Variants in C14orf93 observed in about 807,000 individuals in gnomAD.
C14orf93 encodes uncharacterized protein C14orf93.
Under a neutral mutation model 44.0 loss-of-function variants are expected in C14orf93, and 23 were observed. That is an observed-to-expected ratio of 0.52 (90% CI 0.38 to 0.74). The LOEUF (loss-of-function observed/expected upper bound fraction) is 0.74, where lower values mean the gene tolerates loss of function less well. C14orf93 is among the 30% of genes least tolerant of loss of function. C14orf93 has a pLI of 0.00. For missense variants in C14orf93, 579 were observed against 678.9 expected (o/e 0.85, Z 1.64); for synonymous variants, 253 against 265.7 (o/e 0.95, Z 0.46).
rs1440441742 is a variant in C14orf93 at position 22,996,639 on chromosome 14, G to A, written c.598-371C>T. On this transcript the variant is annotated intron_variant, in intron 2 of 6. Transcript: ENST00000299088. The surrounding 1 kb of genome is among the most constrained non-coding windows in gnomAD (Gnocchi z 4.1). ...ACAAGAAAGAAACCAAGCAAGAGAA[G>A]GAGTAAGAAAATAAAACAGTAACAG... Among the ~76,000 whole-genome samples the A allele has an allele frequency of 6.6e-6, 1 of 152,184 alleles. No homozygotes were observed. Among genetic ancestry groups the A allele is most frequent in the Non-Finnish European group, 1.5e-5 (1 of 68,028 alleles).
At chr14:23,003,887 TATATATA>T (rs1566697078) in intron 1 of C14orf93, among the ~76,000 whole-genome samples, 46 of 17,480 alleles carry the variant, frequency 2.6e-3, no homozygotes, top group Middle Eastern at 0.016. Context: ...TATATATATA[TATATATA>T]TATATTTTTT....
intron 1 of C14orf93, among the ~76,000 whole-genome samples, chr14:23,003,709 G>C (rs2046421235): frequency 3.3e-5 from 5 of 151,062 alleles, no homozygotes; most frequent in Admixed American, 3.3e-4. Context: ...GCTGAGACAG[G>C]AGGATGGCTT....
chr14:22,991,299 G>A lies in C14orf93; in HGVS notation c.919-1172C>T, dbSNP rs79462166. On this transcript the variant is annotated intron_variant, in intron 3 of 6. Transcript: ENST00000299088. ...CCCAGTACTTTGGGAGGCCAAGGCA[G>A]GTGGTGCCATCTCAGCTCACTGCAT... is the stretch of plus-strand genomic sequence containing the variant. Among the ~76,000 whole-genome samples, 1,096 of 149,548 alleles carry A rather than the reference G, an allele frequency of 7.3e-3. 47 individuals carry two copies. The highest frequency in any genetic ancestry group is 0.037 in the East Asian group (170 of 4,646).
rs1310891998 is a variant in C14orf93, at chr14:23,003,881, TATATATATATATATATA to T, written c.-379-4496_-379-4480del. ...TCATATATATATATATATATATATA[TATATATATATATATATA>T]TTTTTTTTTTTTTTTTTTTTTTTTT... On this transcript the variant is annotated intron_variant, in intron 1 of 6. Coordinates refer to ENST00000299088, the MANE Select transcript of C14orf93 (RefSeq NM_021944.4). Among the ~76,000 whole-genome samples the T allele has an allele frequency of 5.6e-3, 92 of 16,470 alleles. 1 individual carries two copies. Among genetic ancestry groups the T allele is most frequent in the African/African-American group, 0.016 (56 of 3,436 alleles). The allele number at this position is 16,470 out of a possible 152,430, so 10.8% of individuals were successfully genotyped here.
In C14orf93 at chr14:22,987,910, C is replaced by T. The variant is rs763309358; in HGVS notation, c.1190G>A (p.Arg397Gln). ...EKEEKKLRSR[R>Q]YRLFANRSSI... The stretch of plus-strand genomic sequence containing the variant: ...AAAGGCCTAGAAACCTACCCGATAT[C>T]GGCGACTTCGAAGTTTCTTCTCCTC... The change falls in exon 6 of 7, where the codon CGA becomes CAA. Residue 397 changes from arginine to glutamine, a missense_variant. Coordinates refer to ENST00000299088, the MANE Select transcript of C14orf93 (RefSeq NM_021944.4). This position sits in a 1 kb window ranked among gnomAD's most constrained non-coding sequence, Gnocchi z 5.6. 5 of 1,612,246 alleles carry T rather than the reference C, an allele frequency of 3.1e-6. No homozygotes were observed. The East Asian group carries it at 6.7e-5, about 22-fold the overall frequency.
At chr14:23,003,857 C>CATAAATATATATAT (rs2046434864) in intron 1 of C14orf93, among the ~76,000 whole-genome samples, 1 of 19,014 alleles carries the variant, frequency 5.3e-5, no homozygotes, top group Non-Finnish European at 9.1e-5. Flanking sequence ...CTAATATATT[C>CATAAATATATATAT]ATATATATAT....
intron 5 of C14orf93, 131 bp downstream of exon 5, chr14:22,989,611 A>T: frequency 1.5e-6 from 1 of 666,258 alleles, no homozygotes; most frequent in South Asian, 1.9e-5. Flanking sequence ...ATAGCCAAAA[A>T]ATGTTTCAAA....
At chr14:23,000,610 G>C (rs11621779) in intron 1 of C14orf93, among the ~76,000 whole-genome samples, 31,879 of 151,262 alleles carry the variant, frequency 0.21, 3,477 homozygotes, top group Non-Finnish European at 0.23. Context: ...CAGCTACTCG[G>C]GAGGTTGAGG....
intron 3 of C14orf93, among the ~76,000 whole-genome samples, chr14:22,991,192 C>CA (rs1377498546): frequency 6.7e-6 from 1 of 149,776 alleles, no homozygotes; most frequent in Non-Finnish European, 1.5e-5. Flanking sequence ...CTTTCTGAGA[C>CA]AGAGTTTCAC....
intron 1 of C14orf93, among the ~76,000 whole-genome samples, chr14:23,003,328 C>T (rs141990850): frequency 6.6e-6 from 1 of 152,354 alleles, no homozygotes; most frequent in East Asian, 1.9e-4. Flanking sequence ...TTCCCAGCCT[C>T]TTGCTATAGT....
intron 2 of C14orf93, chr14:22,998,113 C>T (rs766654793): frequency 9.4e-6 from 3 of 319,368 alleles, no homozygotes; most frequent in East Asian, 1.0e-4. Context: ...CAGGCATCCT[C>T]GCCAGGAGAG....
rs1435792627 is a variant in C14orf93, at chr14:22,987,949, C to G, written c.1151G>C (p.Gly384Ala). 1 of 1,613,792 alleles carries G rather than the reference C, an allele frequency of 6.2e-7. No individual in the cohort carries two copies. The highest frequency in any genetic ancestry group is 8.5e-7 in the Non-Finnish European group (1 of 1,179,918). ...TTTCTTCTCCTCTTTTTCCTTCAGG[C>G]CTTTAAAGGGGTTCAGGGAGTTGCG... is the stretch of plus-strand genomic sequence containing the variant. Reference protein sequence around the residue: ...EYRNSLNPFKGLKEKEEKKLR... With the variant: ...EYRNSLNPFKALKEKEEKKLR... The change falls in exon 6 of 7, where the codon GGC becomes GCC. Residue 384 changes from glycine to alanine, a missense_variant. By Grantham distance (60) the Gly-to-Ala change is moderately conservative. Coordinates refer to ENST00000299088, the MANE Select transcript of C14orf93 (RefSeq NM_021944.4). This position sits in a 1 kb window ranked among gnomAD's most constrained non-coding sequence, Gnocchi z 5.6.
chr14:22,990,938 C>T (rs2045577446), intron 3 of C14orf93, among the ~76,000 whole-genome samples: 1 of 151,154 alleles, frequency 6.6e-6, no homozygotes, highest in Admixed American at 6.6e-5. Flanking sequence ...CCTCCCTCAG[C>T]TTCCTGAGTA....
Position 22,999,187 on chromosome 14 carries a change from A to C in C14orf93, c.-164T>G. ...AAAGAAGAGTAAACAAGCCATGAAG[A>C]AGCACACAGTCCATGGCGGCCTCTC... On this transcript the variant is annotated 5_prime_UTR_variant, in exon 2 of 7. Transcript: ENST00000299088. The C allele has an allele frequency of 2.6e-6, 3 of 1,140,640 alleles. No homozygotes were observed. The highest frequency in any genetic ancestry group is 3.6e-6 in the Non-Finnish European group (3 of 829,208). 70.7% of individuals were successfully genotyped at this position (1,140,640 alleles called of 1,614,324 possible). A position where few individuals can be genotyped will look rare whatever the true frequency, so the allele number is the denominator to read the frequency against.
At chr14:22,995,679 CA>C (rs58710730) in intron 3 of C14orf93, among the ~76,000 whole-genome samples, 7,993 of 45,010 alleles carry the variant, frequency 0.18, 75 homozygotes, top group African/African-American at 0.2. Context: ...GACTCTGACT[CA>C]AAAAAAAAAA....
intron 2 of C14orf93, among the ~76,000 whole-genome samples, chr14:22,997,560 C>T (rs889172764): frequency 2.6e-5 from 4 of 152,194 alleles, no homozygotes; most frequent in African/African-American, 9.7e-5. Flanking sequence ...CCTTTTCATA[C>T]TTCCATGTGT....
At position 22,988,155 on chromosome 14, in the gene C14orf93, T is replaced by C. The variant is rs534606029; in HGVS notation, c.1085-140A>G. 5 of 582,318 alleles carry C rather than the reference T, an allele frequency of 8.6e-6. No homozygotes were observed. The African/African-American group carries it at 9.6e-5, about 11-fold the overall frequency. 36.1% of individuals were successfully genotyped at this position (582,318 alleles called of 1,614,324 possible). ...AGGGCTTTTTTTTTTTTTTTTGAGA[T>C]GTAGTTTCACTCTTGTTGCCCAGGC... is the stretch of plus-strand genomic sequence containing the variant. On this transcript the variant is annotated intron_variant, in intron 5 of 6. Coordinates refer to ENST00000299088, the MANE Select transcript of C14orf93 (RefSeq NM_021944.4).
In C14orf93 at chr14:22,987,442, T is replaced by G; in HGVS notation, c.1390A>C (p.Lys464Gln). 1 of 1,614,226 alleles carries G rather than the reference T, an allele frequency of 6.2e-7. No individual in the cohort carries two copies. The highest frequency in any genetic ancestry group is 8.5e-7 in the Non-Finnish European group (1 of 1,180,034). The change falls in exon 7 of 7, where the codon AAG becomes CAG. Residue 464 changes from lysine to glutamine, a missense_variant. Transcript: ENST00000299088. This position sits in a 1 kb window ranked among gnomAD's most constrained non-coding sequence, Gnocchi z 5.6. ...ELCYHLDANS[K>Q]HGTKANRVYG... is the part of the protein sequence containing the mutation. ...ACACGGTTGGCTTTGGTGCCATGCT[T>G]AGAGTTAGCATCCAGGTGGTAGCAG...
At chr14:22,990,594 C>T (rs1232073728) in intron 3 of C14orf93, among the ~76,000 whole-genome samples, 2 of 150,190 alleles carry the variant, frequency 1.3e-5, no homozygotes, top group African/African-American at 4.9e-5. Flanking sequence ...CTCAGCCTCT[C>T]GAGTAGCTCA....
Sources: allele counts gnomAD v4.1 joint callset (sites outside exome capture counted in the v4.1 genomes callset), GRCh38; gene constraint gnomAD v4.1.1; non-coding constraint Gnocchi (gnomAD v3.1); transcripts MANE v1.5; gene names NCBI Gene and HGNC (gene_info 2026-07-23, HGNC 2026-07-21).